MZF1: variants seen among roughly 807,000 people sequenced by gnomAD.
MZF1 encodes zinc finger and SCAN domain-containing protein 6.
MZF1 carries 24 observed loss-of-function variants against 28.6 expected under a neutral mutation model. The ratio of observed to expected loss-of-function variants is 0.84; its 90% confidence interval spans 0.61 to 1.18. The LOEUF is 1.18. Among genes scored for constraint, MZF1 ranks in the 50% most tolerant of loss-of-function variants. The probability of loss-of-function intolerance (pLI) is 0.00; values close to 1 mark genes in which losing one functional copy is unlikely to be tolerated. For missense variants in MZF1, 1,166 were observed against 1,026.4 expected (o/e 1.14, Z -1.86); for synonymous variants, 516 against 432.5 (o/e 1.19, Z -2.40).
In MZF1 at chr19:58,569,272, CT is replaced by C. The variant is rs746188986; in HGVS notation, c.772+4del. 3.0e-5 allele frequency: 48 copies of C among 1,593,560 alleles called. 1 individual carries two copies. In the South Asian group the frequency reaches 5.4e-4, roughly 18 times the overall value. On this transcript the variant is annotated splice_donor_region_variant and intron_variant, in intron 5 of 5. Coordinates refer to ENST00000215057, the MANE Select transcript of MZF1 (RefSeq NM_198055.2). ...CCTAGTCCCACCACACCCCATCTCA[CT>C]TACCTGGGGAGAAGATGCCCCCAGC...
At position 58,562,229 on chromosome 19, in the gene MZF1, C is replaced by T; in HGVS notation, c.2048G>A (p.Cys683Tyr). The change falls in exon 6 of 6, where the codon TGC (cysteine) becomes TAC (tyrosine). Residue 683 changes from cysteine to tyrosine, a missense_variant. Physicochemically the swap from Cys to Tyr is radical, Grantham distance 194. Transcript: ENST00000215057. ...GCGGAAGGCCTTGCCACACTCAGGGCATGCGTAGGGCCGTTCACCCGTGTG... is the reference window on the plus strand; with the variant it reads ...GCGGAAGGCCTTGCCACACTCAGGGTATGCGTAGGGCCGTTCACCCGTGTG... Reference protein sequence around the residue: ...RIHTGERPYACPECGKAFRQR... With the variant: ...RIHTGERPYAYPECGKAFRQR... The T allele has an allele frequency of 6.2e-7, 1 of 1,608,792 alleles. No homozygotes were observed. The highest frequency in any genetic ancestry group is 1.1e-5 in the South Asian group (1 of 90,894).
At chr19:58,572,570 T>C in intron 1 of MZF1, 1 of 1,289,730 alleles carries the variant, frequency 7.8e-7, no homozygotes, top group South Asian at 1.2e-5. Flanking sequence ...GCGCTGTTCC[T>C]TCTGCAGCTG....
intron 1 of MZF1, chr19:58,571,646 C>T: frequency 1.9e-6 from 1 of 524,204 alleles, no homozygotes; most frequent in Non-Finnish European, 3.4e-6. Flanking sequence ...TGGGCCTGTG[C>T]AAAGTCTCTG....
chr19:58,563,323 C>G lies in MZF1; in HGVS notation c.954G>C (p.Thr318=), dbSNP rs1040519828. 1.9e-6 allele frequency: 3 copies of G among 1,609,124 alleles called. No individual in the cohort carries two copies. The highest frequency in any genetic ancestry group is 2.5e-6 in the Non-Finnish European group (3 of 1,178,170). ...CCACACCCCGGCAGGGATCCTCGTC[C>G]GTGGGGTCCTGTTCACTCCTCAGAT... ...PSDLRSEQDP[T]DEDPCRGVGP... Residue 318 remains threonine, a synonymous_variant, in exon 6 of 6, where the codon ACG becomes ACC. Transcript: ENST00000215057.
Position 58,563,214 on chromosome 19 carries a change from C to T in MZF1, c.1063G>A (p.Gly355Ser), listed in dbSNP as rs747327387. 6.2e-7 allele frequency: 1 copy of T among 1,610,842 alleles called. No individual in the cohort carries two copies. Among genetic ancestry groups the T allele is most frequent in the South Asian group, 1.1e-5 (1 of 90,866 alleles). Reference protein sequence around the residue: ...RPSTGGGVVRGGRCDVCGKVF... With the variant: ...RPSTGGGVVRSGRCDVCGKVF... Reference sequence around the variant, plus strand: ...TTGCCACATACATCGCAACGGCCGCCCCTAACCACCCCGCCCCCAGTGCTG... The same window carrying T: ...TTGCCACATACATCGCAACGGCCGCTCCTAACCACCCCGCCCCCAGTGCTG... Residue 355 changes from glycine (G) to serine (S), a missense_variant, in exon 6 of 6, where the codon GGC becomes AGC. Coordinates refer to ENST00000215057, the MANE Select transcript of MZF1 (RefSeq NM_198055.2).
intron 1 of MZF1, among the ~76,000 whole-genome samples, chr19:58,572,176 C>T (rs899482724): frequency 2.0e-5 from 3 of 152,126 alleles, no homozygotes; most frequent in African/African-American, 7.2e-5. Flanking sequence ...TCTATTCTCT[C>T]ATCTACTTCG....
intron 5 of MZF1, 69 bp downstream of exon 5, chr19:58,569,208 G>T: frequency 6.7e-7 from 1 of 1,502,348 alleles, no homozygotes; most frequent in South Asian, 1.3e-5. Flanking sequence ...GTAGGGCCAG[G>T]AGTGGGGTCG....
At chr19:58,570,805 G>C in intron 2 of MZF1, 189 bp downstream of exon 2, 1 of 683,230 alleles carries the variant, frequency 1.5e-6, no homozygotes, top group South Asian at 1.9e-5. Flanking sequence ...AGGTGATGCA[G>C]GAATGGGCTG....
chr19:58,570,816 G>C (rs745539952), intron 2 of MZF1, 178 bp downstream of exon 2: 1 of 699,854 alleles, frequency 1.4e-6, no homozygotes, highest in Non-Finnish European at 2.4e-6. Context: ...GAATGGGCTG[G>C]GGAGTCTGGC....
chr19:58,562,613 T>A lies in MZF1; in HGVS notation c.1664A>T (p.Asn555Ile). ...GTGGATGCGCCGGTGCTGCGTCAGG[T>A]TGGAGCGCTGCCGGAAGCTCTGGCC... ...ECGQSFRQRS[N>I]LTQHRRIHTG... The change falls in exon 6 of 6, where the codon AAC (asparagine) becomes ATC (isoleucine). Residue 555 changes from asparagine to isoleucine, a missense_variant. Coordinates refer to ENST00000215057, the MANE Select transcript of MZF1 (RefSeq NM_198055.2). The A allele has an allele frequency of 6.4e-7, 1 of 1,574,634 alleles. No individual in the cohort carries two copies. The highest frequency in any genetic ancestry group is 8.6e-7 in the Non-Finnish European group (1 of 1,165,158).
chr19:58,562,330 G>A lies in MZF1; in HGVS notation c.1947C>T (p.Gly649=), dbSNP rs142871305. ...ACTCGGGGCAGGCGAAGGGCCGTTCGCCCGTGTGGATGCGCTGGTGCTCGG... is the reference window on the plus strand; with the variant it reads ...ACTCGGGGCAGGCGAAGGGCCGTTCACCCGTGTGGATGCGCTGGTGCTCGG... ...RLTEHQRIHT[G]ERPFACPECG... Residue 649 remains glycine, a synonymous_variant, in exon 6 of 6, where the codon GGC becomes GGT. Coordinates refer to ENST00000215057, the MANE Select transcript of MZF1 (RefSeq NM_198055.2). The A allele has an allele frequency of 1.2e-6, 2 of 1,608,940 alleles. No homozygotes were observed. The highest frequency in any genetic ancestry group is 1.3e-5 in the African/African-American group (1 of 74,526).
In MZF1 at chr19:58,571,268, T is replaced by G. The variant is rs780587844; in HGVS notation, c.122A>C (p.Glu41Ala). The change falls in exon 2 of 6, where the codon GAA (glutamate) becomes GCA (alanine). Residue 41 changes from glutamate (E) to alanine (A), a missense_variant. Transcript: ENST00000215057. ...GCACCGGAAACGCAGGCGTGCAGCT[T>G]CAGGGCCTGGGTCCCATAAGGCAGC... ...GEAALWDPGP[E>A]AARLRFRCFR... The G allele has an allele frequency of 1.2e-6, 2 of 1,613,350 alleles. No homozygotes were observed. Among genetic ancestry groups the G allele is most frequent in the Non-Finnish European group, 1.7e-6 (2 of 1,179,690 alleles).
At position 58,562,873 on chromosome 19, in the gene MZF1, A is replaced by C. The variant is rs1207305351; in HGVS notation, c.1404T>G (p.Pro468=). The change falls in exon 6 of 6, where the codon CCT becomes CCG. Residue 468 remains proline, a synonymous_variant. Coordinates refer to ENST00000215057, the MANE Select transcript of MZF1 (RefSeq NM_198055.2). ...CAGGAGGGGCCGGGGGCTTAGCGCC[A>C]GGGCCCGGGGGATCGCCGTGGATGC... ...HQRIHGDPPG[P]GAKPPAPPGA... is the part of the protein sequence containing the mutation. 1.3e-6 allele frequency: 2 copies of C among 1,541,826 alleles called. No homozygotes were observed. The highest frequency in any genetic ancestry group is 2.8e-5 in the African/African-American group (2 of 71,046).
rs1257012738 is a variant in MZF1 at position 58,562,976 on chromosome 19, T to C, written c.1301A>G (p.His434Arg). ...SARLEEHRRV[H>R]TGEQPFRCAE... ...GCAACGGAAAGGCTGTTCGCCCGTG[T>C]GCACTCTCCGATGCTCTTCCAGGCG... is the stretch of plus-strand genomic sequence containing the variant. Residue 434 changes from histidine to arginine, a missense_variant, in exon 6 of 6, where the codon CAC becomes CGC. Transcript: ENST00000215057. 2 of 1,602,010 alleles carry C rather than the reference T, an allele frequency of 1.2e-6. No individual in the cohort carries two copies. The highest frequency in any genetic ancestry group is 1.7e-5 in the Admixed American group (1 of 59,968).
intron 1 of MZF1, chr19:58,572,711 C>T (rs2054188475): frequency 1.9e-6 from 2 of 1,036,272 alleles, no homozygotes; most frequent in Admixed American, 2.4e-5. Context: ...GCCAAGTCAA[C>T]CTGAAACCCT....
At position 58,563,307 on chromosome 19, in the gene MZF1, G is replaced by C. The variant is rs560478847; in HGVS notation, c.970C>G (p.Arg324Gly). ...EQDPTDEDPC[R>G]GVGPALITTR... ...GTGATCAGAGCAGGGCCCACACCCC[G>C]GCAGGGATCCTCGTCCGTGGGGTCC... The change falls in exon 6 of 6, where the codon CGG (arginine) becomes GGG (glycine). Residue 324 changes from arginine to glycine, a missense_variant. Physicochemically the swap from Arg to Gly is moderately radical, Grantham distance 125. Transcript: ENST00000215057. The C allele has an allele frequency of 1.2e-5, 20 of 1,608,632 alleles. 1 individual carries two copies. The South Asian group carries it at 2.0e-4, about 16-fold the overall frequency.
intron 5 of MZF1, among the ~76,000 whole-genome samples, chr19:58,566,431 G>A (rs975355687): frequency 1.1e-4 from 17 of 151,682 alleles, no homozygotes; most frequent in African/African-American, 3.9e-4. Flanking sequence ...TGGGCAACAA[G>A]AGCGAAATTC....
intron 2 of MZF1, 135 bp from the exon 3 acceptor site, chr19:58,570,662 G>A (rs2054142790): frequency 1.0e-6 from 1 of 953,298 alleles, no homozygotes; most frequent in Admixed American, 2.9e-5. Context: ...GGTCCTCCAA[G>A]GACCTACCTC....
Position 58,570,355 on chromosome 19 carries a change from G to C in MZF1, c.569C>G (p.Thr190Arg). The C allele has an allele frequency of 6.2e-7, 1 of 1,612,444 alleles. No homozygotes were observed. The highest frequency in any genetic ancestry group is 8.5e-7 in the Non-Finnish European group (1 of 1,178,960). ...GLQVKEESEV[T>R]EDSDFLESGP... is the part of the protein sequence containing the mutation. The stretch of plus-strand genomic sequence containing the variant: ...GTGCATGCCCTCACCTGAGTCCTCT[G>C]TAACCTCTGACTCCTCTTTCACCTG... The change falls in exon 3 of 6, where the codon ACA (threonine) becomes AGA (arginine). Residue 190 changes from threonine to arginine, a missense_variant. Transcript: ENST00000215057.
Sources: gnomAD v4.1 joint callset for allele counts (sites outside exome capture counted in the v4.1 genomes callset) on GRCh38, gnomAD v4.1.1 for gene constraint, MANE v1.5 for transcripts, NCBI Gene and HGNC (gene_info 2026-07-23, HGNC 2026-07-21) for gene names.